Variants in FAM13A observed in about 807,000 individuals in gnomAD.
The protein encoded by FAM13A is protein FAM13A.
A neutral mutation model predicts 129.6 loss-of-function variants in FAM13A; 76 were observed. The observed-to-expected ratio is 0.59, with a 90% confidence interval of 0.49 to 0.71. The LOEUF (loss-of-function observed/expected upper bound fraction) is 0.71. Ranked by LOEUF, FAM13A falls within the 30% of genes least tolerant of loss-of-function variation. FAM13A has a pLI of 0.00. For missense variants in FAM13A, 1,108 were observed against 1,249.3 expected, an observed-to-expected ratio of 0.89 and a Z score of 1.70; for synonymous variants, 443 against 449.9, an observed-to-expected ratio of 0.98 and a Z score of 0.20.
intron 8 of FAM13A, among the ~76,000 whole-genome samples, chr4:88,792,550 G>C (rs1222850374): frequency 1.3e-5 from 2 of 151,996 alleles, no homozygotes; most frequent in East Asian, 3.9e-4. Flanking sequence ...CCTTGCTTTT[G>C]CTACTTTGTG....
chr4:88,948,582 G>A (rs915274067), intron 4 of FAM13A, among the ~76,000 whole-genome samples: 1 of 151,730 alleles, frequency 6.6e-6, no homozygotes, highest in African/African-American at 2.4e-5. Context: ...TCCGCCTCCC[G>A]GGTTCAAGCA....
intron 6 of FAM13A, among the ~76,000 whole-genome samples, chr4:88,877,540 T>A (rs1167200022): frequency 1.3e-5 from 2 of 152,206 alleles, no homozygotes; most frequent in Non-Finnish European, 2.9e-5. Flanking sequence ...ATATCTTTCT[T>A]AAATATATTC....
intron 7 of FAM13A, among the ~76,000 whole-genome samples, chr4:88,814,675 A>T (rs1006762606): frequency 1.3e-5 from 2 of 152,146 alleles, no homozygotes; most frequent in African/African-American, 4.8e-5. Context: ...CAGCGAAATT[A>T]TTTCTTTTTA....
At chr4:88,735,582 T>C (rs926950359) in intron 21 of FAM13A, among the ~76,000 whole-genome samples, 1 of 152,200 alleles carries the variant, frequency 6.6e-6, no homozygotes, top group Non-Finnish European at 1.5e-5. Context: ...CTGTAGTTCA[T>C]ATACAGCTGG....
chr4:88,883,600 G>C (rs1817281), intron 6 of FAM13A, among the ~76,000 whole-genome samples: 1 of 151,802 alleles, frequency 6.6e-6, no homozygotes, highest in African/African-American at 2.4e-5. Context: ...CACACCTCAA[G>C]GAACTGGAGA....
At chr4:88,988,068 A>G (rs1762491033) in intron 4 of FAM13A, among the ~76,000 whole-genome samples, 1 of 152,162 alleles carries the variant, frequency 6.6e-6, no homozygotes, top group South Asian at 2.1e-4. Context: ...GTGTTGCAGC[A>G]AACCACCATG....
chr4:88,789,540 G>A (rs996169216), intron 9 of FAM13A, among the ~76,000 whole-genome samples: 2 of 152,138 alleles, frequency 1.3e-5, no homozygotes, highest in Non-Finnish European at 2.9e-5. Context: ...GGAAACATAT[G>A]TGAGCAAGGA....
chr4:89,029,064 A>G (rs1424752402), intron 2 of FAM13A, among the ~76,000 whole-genome samples: 2 of 152,228 alleles, frequency 1.3e-5, no homozygotes, highest in Non-Finnish European at 2.9e-5. Flanking sequence ...AAGGCATTGA[A>G]TAAGTTCATG....
intron 13 of FAM13A, among the ~76,000 whole-genome samples, chr4:88,765,868 C>A (rs1363502327): frequency 6.6e-6 from 1 of 152,182 alleles, no homozygotes; most frequent in Non-Finnish European, 1.5e-5. Context: ...GCAGTGCCAG[C>A]AGTGGCACTG....
intron 4 of FAM13A, among the ~76,000 whole-genome samples, chr4:88,958,036 T>C (rs1007058389): frequency 2.6e-5 from 4 of 152,048 alleles, no homozygotes; most frequent in African/African-American, 7.3e-5. Context: ...AGCATAAAGT[T>C]TGGAAAATGT....
chr4:88,801,842 G>A (rs934137023), intron 8 of FAM13A, among the ~76,000 whole-genome samples: 2 of 117,018 alleles, frequency 1.7e-5, no homozygotes, highest in Non-Finnish European at 3.7e-5. Flanking sequence ...GGTGGGAGCT[G>A]GTAGAGATGA....
At chr4:88,748,787 C>A (rs566749846) in intron 17 of FAM13A, among the ~76,000 whole-genome samples, 165 bp downstream of exon 17, 12 of 152,264 alleles carry the variant, frequency 7.9e-5, no homozygotes, top group South Asian at 2.1e-4. Context: ...GTGACTGAGA[C>A]CATGTGAAGA....
At chr4:88,893,830 A>C (rs1745837262) in intron 6 of FAM13A, among the ~76,000 whole-genome samples, 1 of 150,838 alleles carries the variant, frequency 6.6e-6, no homozygotes, top group Non-Finnish European at 1.5e-5. Flanking sequence ...CCGTCTCAAA[A>C]AAAAAAAAAA....
intron 8 of FAM13A, among the ~76,000 whole-genome samples, chr4:88,798,250 T>C (rs747705412): frequency 2.6e-5 from 4 of 152,188 alleles, no homozygotes; most frequent in Non-Finnish European, 4.4e-5. Flanking sequence ...TTTGGGGTAG[T>C]GTACACTTGA....
At chr4:88,972,553 G>A (rs1760266249) in intron 4 of FAM13A, among the ~76,000 whole-genome samples, 1 of 151,802 alleles carries the variant, frequency 6.6e-6, no homozygotes, top group Admixed American at 6.6e-5. Flanking sequence ...CACCTACTTT[G>A]GCCTCCCAAA....
intron 1 of FAM13A, among the ~76,000 whole-genome samples, chr4:89,054,700 A>C (rs1243991271): frequency 6.6e-6 from 1 of 152,148 alleles, no homozygotes; most frequent in Non-Finnish European, 1.5e-5. Context: ...AACCATGAAA[A>C]ATTAACCATC....
At position 88,834,084 on chromosome 4, in the gene FAM13A, C is replaced by CT. The variant is rs1161327631; in HGVS notation, c.1007+16935dup. On this transcript the variant is annotated intron_variant, in intron 7 of 23. Transcript: ENST00000264344. ...TTTTTTTTTTTTTTTTTTTTTTTTA[C>CT]TTTTTTTTGTAGAGATAAGGTCTCA... Among the ~76,000 whole-genome samples the CT allele has an allele frequency of 2.7e-3, 160 of 58,904 alleles. 1 individual carries two copies. Among genetic ancestry groups the CT allele is most frequent in the Non-Finnish European group, 3.4e-3 (99 of 28,752 alleles). The allele number at this position is 58,904 out of a possible 152,430, so 38.6% of individuals were successfully genotyped here.
intron 4 of FAM13A, among the ~76,000 whole-genome samples, chr4:88,960,789 T>C (rs1049820771): frequency 2.6e-5 from 4 of 152,242 alleles, no homozygotes; most frequent in African/African-American, 9.6e-5. Flanking sequence ...AGCTTTGTTT[T>C]ACCATTGCTG....
At chr4:88,774,067 C>A (rs1408616474) in intron 11 of FAM13A, among the ~76,000 whole-genome samples, 1 of 152,168 alleles carries the variant, frequency 6.6e-6, no homozygotes, top group Non-Finnish European at 1.5e-5. Flanking sequence ...ATGGCCACCT[C>A]TTGCCTGTCC....
Sources: allele counts gnomAD v4.1 joint callset (sites outside exome capture counted in the v4.1 genomes callset), GRCh38; gene constraint gnomAD v4.1.1; transcripts MANE v1.5; gene names NCBI Gene and HGNC (gene_info 2026-07-23, HGNC 2026-07-21).